ARPC2: variants seen among roughly 807,000 people sequenced by gnomAD.
ARPC2 encodes actin related protein 2/3 complex subunit 2, also known as actin-related protein 2/3 complex subunit 2.
ARPC2 carries 4 observed loss-of-function variants against 38.6 expected under a neutral mutation model. The observed-to-expected ratio is 0.10, with a 90% CI of 0.05 to 0.24. ARPC2 has a LOEUF of 0.24. Ranked by LOEUF, ARPC2 falls within the 10% of genes least tolerant of loss-of-function variation. The probability of loss-of-function intolerance (pLI) is 1.00; values close to 1 mark genes in which losing one functional copy is unlikely to be tolerated. For missense variants in ARPC2, 229 were observed against 387.3 expected (o/e 0.59, Z 3.43); for synonymous variants, 125 against 140.8 (o/e 0.89, Z 0.79).
At chr2:218,229,819 T>C (rs1211876192) in intron 4 of ARPC2, among the ~76,000 whole-genome samples, 1 of 152,240 alleles carries the variant, frequency 6.6e-6, no homozygotes, top group African/African-American at 2.4e-5. Flanking sequence ...GGATTTGGAA[T>C]CCAGATTAGT....
At position 218,237,181 on chromosome 2, in the gene ARPC2, C is replaced by G. The variant is rs549915148; in HGVS notation, c.269-1483C>G. Among the ~76,000 whole-genome samples, 3 of 152,140 alleles carry G rather than the reference C, an allele frequency of 2.0e-5. No individual in the cohort carries two copies. The South Asian group carries it at 6.2e-4, about 32-fold the overall frequency. ...AACATTCTCCCCTATCTCCGCACCC[C>G]CTGCCCTGCTCCTTTTTCTTTTTTT... On this transcript the variant is annotated intron_variant, in intron 5 of 10. Coordinates refer to ENST00000315717, the MANE Select transcript of ARPC2 (RefSeq NM_152862.3).
In ARPC2 at chr2:218,237,021, G is replaced by A. The variant is rs375955109; in HGVS notation, c.269-1643G>A. Among the ~76,000 whole-genome samples the A allele has an allele frequency of 3.9e-4, 60 of 152,074 alleles. No homozygotes were observed. In the East Asian group the frequency reaches 8.7e-3, roughly 22 times the overall value. On this transcript the variant is annotated intron_variant, in intron 5 of 10. Transcript: ENST00000315717. ...GATTCTATAATCAAGTGTTCCAGCC[G>A]GCTTCTGGGAATTCATAGTGGACAT...
chr2:218,252,417 C>G (rs185852613), intron 10 of ARPC2, among the ~76,000 whole-genome samples: 18 of 152,270 alleles, frequency 1.2e-4, no homozygotes, highest in African/African-American at 3.9e-4. Flanking sequence ...GATGTGCTTG[C>G]TGCCTCTCCA....
intron 10 of ARPC2, among the ~76,000 whole-genome samples, chr2:218,250,763 G>GTTC (rs1255826264): frequency 6.6e-6 from 1 of 152,072 alleles, no homozygotes; most frequent in Admixed American, 6.5e-5. Context: ...TTCCATCTTT[G>GTTC]TGAAAGGTGC....
chr2:218,227,949 A>G (rs1054906106), intron 3 of ARPC2, among the ~76,000 whole-genome samples: 2 of 152,184 alleles, frequency 1.3e-5, no homozygotes, highest in African/African-American at 2.4e-5. Context: ...TAGGCATGAC[A>G]CTAGTATCAT....
intron 10 of ARPC2, among the ~76,000 whole-genome samples, chr2:218,251,324 G>A (rs10171570): frequency 0.1 from 15,590 of 152,144 alleles, 1,804 homozygotes; most frequent in African/African-American, 0.28. Flanking sequence ...CAATTCTCTT[G>A]CCTCAGCCTC....
chr2:218,221,523 A>C (rs538693439), intron 2 of ARPC2, among the ~76,000 whole-genome samples: 1 of 152,330 alleles, frequency 6.6e-6, no homozygotes, highest in East Asian at 1.9e-4. Context: ...CCTGTGGCCT[A>C]CTTGGGACCA....
chr2:218,247,835 C>A (rs963910022), intron 8 of ARPC2, among the ~76,000 whole-genome samples: 2 of 152,000 alleles, frequency 1.3e-5, no homozygotes, highest in Non-Finnish European at 2.9e-5. Flanking sequence ...CCCAGCTACC[C>A]TGAAGGCTGA....
At position 218,245,505 on chromosome 2, in the gene ARPC2, C is replaced by G. The variant is rs775859131; in HGVS notation, c.635C>G (p.Thr212Arg). 1 of 1,614,200 alleles carries G rather than the reference C, an allele frequency of 6.2e-7. No individual in the cohort carries two copies. ...HREPPLELKD[T>R]DAAVGDNIGY... ...GAACCTCCTCTGGAGCTGAAAGACA[C>G]AGACGCCGCTGTGGGTGACAACATT... Residue 212 changes from threonine to arginine, a missense_variant, in exon 8 of 11, where the codon ACA becomes AGA. Physicochemically the swap from Thr to Arg is moderately conservative, Grantham distance 71. Coordinates refer to ENST00000315717, the MANE Select transcript of ARPC2 (RefSeq NM_152862.3).
At chr2:218,231,627 G>C (rs1689636193) in intron 4 of ARPC2, among the ~76,000 whole-genome samples, 1 of 152,054 alleles carries the variant, frequency 6.6e-6, no homozygotes, top group Non-Finnish European at 1.5e-5. Context: ...TCGTGACCTT[G>C]AGCCCCTCCT....
At chr2:218,240,936 T>C (rs944451749) in intron 7 of ARPC2, among the ~76,000 whole-genome samples, 2 of 152,010 alleles carry the variant, frequency 1.3e-5, no homozygotes, top group African/African-American at 4.8e-5. Flanking sequence ...CATTTTGTAA[T>C]TGGATTTTTG....
intron 8 of ARPC2, among the ~76,000 whole-genome samples, chr2:218,246,855 A>G (rs934710383): frequency 6.6e-6 from 1 of 151,926 alleles, no homozygotes; most frequent in African/African-American, 2.4e-5. Flanking sequence ...CCTATAGTCT[A>G]TAGTCCCAGC....
At chr2:218,242,013 G>T (rs1689928039) in intron 7 of ARPC2, among the ~76,000 whole-genome samples, 1 of 152,224 alleles carries the variant, frequency 6.6e-6, no homozygotes, top group South Asian at 2.1e-4. Flanking sequence ...ACAGAAAGTT[G>T]TACCCTGAGA....
At chr2:218,253,046 A>T (rs1451769009) in intron 10 of ARPC2, 2 of 455,038 alleles carry the variant, frequency 4.4e-6, no homozygotes, top group African/African-American at 2.0e-5. Flanking sequence ...GGTAGGAGTT[A>T]AGTGACTCAG....
Position 218,223,151 on chromosome 2 carries a change from G to A in ARPC2, c.75-2769G>A, listed in dbSNP as rs148114798. Among the ~76,000 whole-genome samples, 9 of 152,262 alleles carry A rather than the reference G, an allele frequency of 5.9e-5. No homozygotes were observed. The East Asian group carries it at 1.5e-3, about 26-fold the overall frequency. ...TTACCTGCAGTGAGCAGTGAACCAT[G>A]GTCTGAAAATATTAAATGGAAAATC... On this transcript the variant is annotated intron_variant, in intron 2 of 10. Coordinates refer to ENST00000315717, the MANE Select transcript of ARPC2 (RefSeq NM_152862.3).
At chr2:218,231,977 C>A (rs1023506160) in intron 4 of ARPC2, among the ~76,000 whole-genome samples, 1 of 151,838 alleles carries the variant, frequency 6.6e-6, no homozygotes, top group African/African-American at 2.4e-5. Flanking sequence ...CAGTGGCTCA[C>A]GCCTGTAATC....
At chr2:218,242,782 T>C (rs577423528) in intron 7 of ARPC2, among the ~76,000 whole-genome samples, 29 of 152,222 alleles carry the variant, frequency 1.9e-4, no homozygotes, top group Admixed American at 9.8e-4. Context: ...GATTTTCTTA[T>C]GAAGTGTCTC....
intron 3 of ARPC2, among the ~76,000 whole-genome samples, chr2:218,226,363 C>T (rs1689496732): frequency 6.6e-6 from 1 of 151,804 alleles, no homozygotes; most frequent in Admixed American, 6.6e-5. Flanking sequence ...GGTGCGGTAG[C>T]TCATGCATGT....
chr2:218,222,882 G>A lies in ARPC2; in HGVS notation c.75-3038G>A, dbSNP rs565168717. 1.2e-4 allele frequency among the ~76,000 whole-genome samples: 19 copies of A among 152,216 alleles called. No individual in the cohort carries two copies. In the East Asian group the frequency reaches 2.1e-3, roughly 17 times the overall value. The stretch of plus-strand genomic sequence containing the variant: ...AACTACTACATATTAAGTAAGCACC[G>A]TGCAGGCATCCTTCACTGTGATTCT... On this transcript the variant is annotated intron_variant, in intron 2 of 10. Transcript: ENST00000315717.
Sources: gnomAD v4.1 joint callset for allele counts (sites outside exome capture counted in the v4.1 genomes callset) on GRCh38, gnomAD v4.1.1 for gene constraint, MANE v1.5 for transcripts, NCBI Gene and HGNC (gene_info 2026-07-23, HGNC 2026-07-21) for gene names.